TLE4: variants seen among roughly 807,000 people sequenced by gnomAD.
The protein encoded by TLE4 is TLE family member 4, transcriptional corepressor.
TLE4 carries 8 observed loss-of-function variants against 92.8 expected under a neutral mutation model. That is an observed-to-expected ratio of 0.09 (90% CI 0.05 to 0.16). TLE4 has a LOEUF of 0.16. Ranked by LOEUF, TLE4 falls within the 10% of genes least tolerant of loss-of-function variation. The pLI is 1.00. For synonymous variants in TLE4, 371 were observed against 374.1 expected, an observed-to-expected ratio of 0.99 and a Z score of 0.10; for missense variants, 675 against 997.6, an observed-to-expected ratio of 0.68 and a Z score of 4.36.
rs1748585034 is a variant in TLE4 at position 79,725,217 on chromosome 9, C to A, written c.*73C>A. Reference sequence around the variant, plus strand: ...CTCTGTCATCCTTTTTGTTCACCCCCATCCCCGCATCTAAAACCAAGGATT... The same window carrying A: ...CTCTGTCATCCTTTTTGTTCACCCCAATCCCCGCATCTAAAACCAAGGATT... On this transcript the variant is annotated 3_prime_UTR_variant, in exon 20 of 20. Transcript: ENST00000376552. 2 of 1,048,374 alleles carry A rather than the reference C, an allele frequency of 1.9e-6. No homozygotes were observed. Among genetic ancestry groups the A allele is most frequent in the East Asian group, 2.5e-5 (1 of 40,096 alleles). 64.9% of individuals were successfully genotyped at this position (1,048,374 alleles called of 1,614,324 possible). A position where few individuals can be genotyped will look rare whatever the true frequency, so the allele number is the denominator to read the frequency against.
At chr9:79,672,315 A>G (rs539379862) in intron 8 of TLE4, among the ~76,000 whole-genome samples, 2 of 152,210 alleles carry the variant, frequency 1.3e-5, no homozygotes, top group East Asian at 3.9e-4. Flanking sequence ...AGGAGAATCC[A>G]GAATAACCAA....
At chr9:79,606,789 G>A (rs1281959383) in intron 4 of TLE4, among the ~76,000 whole-genome samples, 1 of 152,110 alleles carries the variant, frequency 6.6e-6, no homozygotes, top group African/African-American at 2.4e-5. Flanking sequence ...ATGGACATTT[G>A]GATTGGTCCC....
At chr9:79,713,086 A>G (rs1240628663) in intron 14 of TLE4, among the ~76,000 whole-genome samples, 2 of 152,224 alleles carry the variant, frequency 1.3e-5, no homozygotes, top group African/African-American at 4.8e-5. Context: ...TTCAATGTAA[A>G]ATACAATAAC....
intron 1 of TLE4, chr9:79,573,201 C>A: frequency 1.0e-6 from 1 of 993,302 alleles, no homozygotes; most frequent in Non-Finnish European, 1.2e-6. Flanking sequence ...CGCTGCTGGG[C>A]TGGCTGCGGT....
rs187657670 is a variant in TLE4 at position 79,691,076 on chromosome 9, A to G, written c.610-13707A>G. ...TTTGTGTGAAGTGAGTCACTCATTT[A>G]TATCCTAATGTCTCAGATTCATCCT... On this transcript the variant is annotated intron_variant, in intron 8 of 19. Transcript: ENST00000376552. 2.0e-4 allele frequency among the ~76,000 whole-genome samples: 31 copies of G among 152,228 alleles called. No homozygotes were observed. The East Asian group carries it at 5.6e-3, about 28-fold the overall frequency.
At chr9:79,714,160 G>A (rs2073994236) in intron 14 of TLE4, among the ~76,000 whole-genome samples, 1 of 152,038 alleles carries the variant, frequency 6.6e-6, no homozygotes, top group Admixed American at 6.6e-5. Flanking sequence ...CGCCCAACAG[G>A]AATAATTGTT....
intron 8 of TLE4, among the ~76,000 whole-genome samples, chr9:79,689,813 G>C (rs927043710): frequency 6.6e-6 from 1 of 152,182 alleles, no homozygotes; most frequent in Admixed American, 6.5e-5. Context: ...ACAGTGGCTT[G>C]TTGATTATCT....
intron 5 of TLE4, among the ~76,000 whole-genome samples, chr9:79,625,235 G>A (rs1483824246): frequency 1.3e-5 from 2 of 151,442 alleles, no homozygotes; most frequent in African/African-American, 4.8e-5. Context: ...TAGCCGGGAT[G>A]GTCTCGATCT....
intron 4 of TLE4, among the ~76,000 whole-genome samples, chr9:79,605,405 A>G (rs1440174885): frequency 6.6e-6 from 1 of 152,118 alleles, no homozygotes; most frequent in Non-Finnish European, 1.5e-5. Flanking sequence ...AATGATCGTC[A>G]TTCTCAACCT....
intron 6 of TLE4, among the ~76,000 whole-genome samples, chr9:79,628,085 T>G (rs2053132512): frequency 6.6e-6 from 1 of 152,132 alleles, no homozygotes; most frequent in Admixed American, 6.5e-5. Context: ...ATGTATGTTT[T>G]TTTTTTCTCA....
intron 6 of TLE4, among the ~76,000 whole-genome samples, chr9:79,636,195 CTATA>C (rs2055771213): frequency 6.6e-6 from 1 of 152,014 alleles, no homozygotes; most frequent in African/African-American, 2.4e-5. Context: ...ATATATGAGA[CTATA>C]TATAGTAGCT....
chr9:79,710,454 G>A (rs1315719661), intron 14 of TLE4, among the ~76,000 whole-genome samples: 1 of 152,144 alleles, frequency 6.6e-6, no homozygotes, highest in Non-Finnish European at 1.5e-5. Context: ...TCACCTGTGT[G>A]TGTGCATTTT....
intron 14 of TLE4, among the ~76,000 whole-genome samples, chr9:79,711,471 G>A (rs2073267880): frequency 6.6e-6 from 1 of 152,198 alleles, no homozygotes; most frequent in Non-Finnish European, 1.5e-5. Context: ...ATATGAACTT[G>A]TGGGGAAAGT....
chr9:79,638,386 GAT>G (rs1447041946), intron 6 of TLE4, among the ~76,000 whole-genome samples: 1 of 152,088 alleles, frequency 6.6e-6, no homozygotes, highest in African/African-American at 2.4e-5. Flanking sequence ...TATTTCATGA[GAT>G]AGAGTAATAT....
chr9:79,584,862 T>C (rs561429811), intron 4 of TLE4, among the ~76,000 whole-genome samples: 16 of 152,322 alleles, frequency 1.1e-4, no homozygotes, highest in African/African-American at 3.8e-4. Context: ...TTTAGTATGT[T>C]GAGTCTGCCT....
intron 8 of TLE4, among the ~76,000 whole-genome samples, chr9:79,692,666 C>G (rs555786327): frequency 6.6e-6 from 1 of 152,242 alleles, no homozygotes; most frequent in Non-Finnish European, 1.5e-5. Context: ...AACAAGGTGC[C>G]TCTATTAGAT....
At chr9:79,659,209 T>G (rs2060185270) in intron 8 of TLE4, among the ~76,000 whole-genome samples, 1 of 152,196 alleles carries the variant, frequency 6.6e-6, no homozygotes, top group Admixed American at 6.5e-5. Context: ...CCAGTTTCAT[T>G]CTCAGTTATT....
intron 6 of TLE4, among the ~76,000 whole-genome samples, chr9:79,643,611 T>C (rs182657297): frequency 6.6e-6 from 1 of 151,518 alleles, no homozygotes; most frequent in East Asian, 1.9e-4. Context: ...TACATTTGTC[T>C]GTTTGTTTCT....
chr9:79,611,737 T>C (rs2133044380), intron 4 of TLE4, among the ~76,000 whole-genome samples: 1 of 152,096 alleles, frequency 6.6e-6, no homozygotes, highest in East Asian at 1.9e-4. Flanking sequence ...CATCACAAAA[T>C]ATACAAGGCA....
Sources: gnomAD v4.1 joint callset for allele counts (sites outside exome capture counted in the v4.1 genomes callset) on GRCh38, gnomAD v4.1.1 for gene constraint, MANE v1.5 for transcripts, NCBI Gene and HGNC (gene_info 2026-07-23, HGNC 2026-07-21) for gene names.